Variants in CALN1 observed in about 807,000 individuals in gnomAD.
CALN1 encodes calneuron 1.
CALN1 carries 17 observed loss-of-function variants against 30.6 expected under a neutral mutation model. That is an observed-to-expected ratio of 0.56 (90% CI 0.38 to 0.83). The LOEUF (loss-of-function observed/expected upper bound fraction) is 0.83, where lower values mean the gene tolerates loss of function less well. Among genes scored for constraint, CALN1 ranks in the 40% least tolerant of loss-of-function variants. CALN1 has a pLI of 0.00. For missense variants in CALN1, 291 were observed against 354.9 expected (o/e 0.82, Z 1.45); for synonymous variants, 156 against 131.4 (o/e 1.19, Z -1.28).
chr7:72,382,173 G>C (rs1249454871), intron 2 of CALN1, among the ~76,000 whole-genome samples: 1 of 152,192 alleles, frequency 6.6e-6, no homozygotes, highest in Non-Finnish European at 1.5e-5. Flanking sequence ...CAGCTGATGG[G>C]AGCACTGTCC....
chr7:72,412,077 C>T lies in CALN1; in HGVS notation c.-93G>A, dbSNP rs1346222907. ...GCCCACCTGTGTGCGGAATTTATTC[C>T]TTCTGCTGGGTTGTTGGTCTCGCCG... On this transcript the variant is annotated 5_prime_UTR_variant, in exon 1 of 7. Transcript: ENST00000395275. 4 of 152,218 alleles carry T rather than the reference C, an allele frequency of 2.6e-5. No homozygotes were observed. The East Asian group carries it at 5.8e-4, about 22-fold the overall frequency. The allele number at this position is 152,218 out of a possible 1,614,324, so 9.4% of individuals were successfully genotyped here.
At chr7:72,002,110 T>A (rs958797879) in intron 5 of CALN1, among the ~76,000 whole-genome samples, 1 of 152,192 alleles carries the variant, frequency 6.6e-6, no homozygotes, top group African/African-American at 2.4e-5. Flanking sequence ...GCTTTCTCTA[T>A]AAGATTGGGA....
chr7:72,269,065 C>T (rs957251543), intron 3 of CALN1, among the ~76,000 whole-genome samples: 2 of 152,072 alleles, frequency 1.3e-5, no homozygotes, highest in Non-Finnish European at 2.9e-5. Flanking sequence ...CCACAATTCA[C>T]GTAGTAGCTG....
chr7:72,017,200 G>A (rs1800446342), intron 5 of CALN1, among the ~76,000 whole-genome samples: 1 of 148,660 alleles, frequency 6.7e-6, no homozygotes, highest in Admixed American at 6.7e-5. Context: ...AAGAGTCCAG[G>A]ACCAAAGCAG....
intron 5 of CALN1, among the ~76,000 whole-genome samples, chr7:71,860,828 T>C (rs933011809): frequency 1.3e-5 from 2 of 152,042 alleles, no homozygotes; most frequent in African/African-American, 4.8e-5. Flanking sequence ...CCAGGGATGA[T>C]TAATGCCTGA....
chr7:72,032,220 A>G (rs1427730250), intron 4 of CALN1, among the ~76,000 whole-genome samples: 1 of 151,550 alleles, frequency 6.6e-6, no homozygotes. Flanking sequence ...CACTGCGCCC[A>G]GCTAATTTTT....
At chr7:72,062,504 T>TA (rs1803723059) in intron 4 of CALN1, among the ~76,000 whole-genome samples, 1 of 119,458 alleles carries the variant, frequency 8.4e-6, no homozygotes, top group Non-Finnish European at 1.6e-5. Context: ...AGAGTGAGAC[T>TA]CTATCTCAAA....
At chr7:71,945,772 G>A (rs983979577) in intron 5 of CALN1, among the ~76,000 whole-genome samples, 5 of 152,156 alleles carry the variant, frequency 3.3e-5, no homozygotes, top group Admixed American at 6.5e-5. Flanking sequence ...GTAATTACAC[G>A]TTGTGTAATT....
At chr7:72,235,122 A>G (rs1206201697) in intron 3 of CALN1, among the ~76,000 whole-genome samples, 1 of 151,924 alleles carries the variant, frequency 6.6e-6, no homozygotes, top group African/African-American at 2.4e-5. Flanking sequence ...AAAAAACTAA[A>G]AATTAGCCAG....
intron 2 of CALN1, among the ~76,000 whole-genome samples, chr7:72,396,235 T>TAA (rs55683543): frequency 0.039 from 2,066 of 53,240 alleles, 71 homozygotes; most frequent in Non-Finnish European, 0.045. Context: ...TTGTCTCTAC[T>TAA]AAAAAAAAAA....
intron 6 of CALN1, among the ~76,000 whole-genome samples, chr7:71,788,145 T>C (rs924248933): frequency 6.6e-6 from 1 of 152,164 alleles, no homozygotes; most frequent in African/African-American, 2.4e-5. Flanking sequence ...ACAAGAATCA[T>C]GATGGATGTG....
At chr7:71,925,403 C>G (rs895736307) in intron 5 of CALN1, among the ~76,000 whole-genome samples, 7 of 151,596 alleles carry the variant, frequency 4.6e-5, no homozygotes, top group African/African-American at 1.5e-4. Context: ...CATAATTGTT[C>G]TGCTTTAAGA....
At chr7:71,855,097 T>C (rs1790865729) in intron 5 of CALN1, among the ~76,000 whole-genome samples, 1 of 152,154 alleles carries the variant, frequency 6.6e-6, no homozygotes, top group African/African-American at 2.4e-5. Flanking sequence ...AACTCAAACT[T>C]CGAGCTAATA....
At chr7:71,916,911 C>T (rs1794712606) in intron 5 of CALN1, among the ~76,000 whole-genome samples, 1 of 152,166 alleles carries the variant, frequency 6.6e-6, no homozygotes, top group African/African-American at 2.4e-5. Flanking sequence ...TGACGTGGTA[C>T]CATCATGTTG....
At chr7:71,852,285 G>C (rs1053346409) in intron 5 of CALN1, among the ~76,000 whole-genome samples, 4 of 151,906 alleles carry the variant, frequency 2.6e-5, no homozygotes, top group African/African-American at 9.7e-5. Flanking sequence ...CACTTCTCTT[G>C]GGAAAATACC....
At chr7:72,193,975 G>A (rs2129547005) in intron 3 of CALN1, among the ~76,000 whole-genome samples, 1 of 152,266 alleles carries the variant, frequency 6.6e-6, no homozygotes, top group East Asian at 1.9e-4. Flanking sequence ...GGGAGGGGGT[G>A]AGAGATAAGA....
At chr7:72,364,833 G>C (rs545679206) in intron 2 of CALN1, among the ~76,000 whole-genome samples, 2 of 152,116 alleles carry the variant, frequency 1.3e-5, no homozygotes, top group African/African-American at 4.8e-5. Flanking sequence ...ATTAGTATTC[G>C]AGATCAGCCT....
intron 2 of CALN1, among the ~76,000 whole-genome samples, chr7:72,318,568 T>C (rs945271854): frequency 2.0e-5 from 3 of 152,178 alleles, no homozygotes; most frequent in Admixed American, 2.0e-4. Context: ...TGAGATGGTG[T>C]CTTGCTCTAT....
intron 3 of CALN1, among the ~76,000 whole-genome samples, chr7:72,169,052 C>T (rs1011966999): frequency 4.0e-5 from 6 of 151,618 alleles, no homozygotes; most frequent in Admixed American, 1.3e-4. Context: ...GTGATCCACC[C>T]GCCTTGGCCT....
Sources: gnomAD v4.1 joint callset for allele counts (sites outside exome capture counted in the v4.1 genomes callset) on GRCh38, gnomAD v4.1.1 for gene constraint, MANE v1.5 for transcripts, NCBI Gene and HGNC (gene_info 2026-07-23, HGNC 2026-07-21) for gene names.